The following NAT8L variants were observed in gnomAD, a reference collection of about 807,000 sequenced individuals.
NAT8L encodes the protein aspartate N-acetyltransferase, also known as N-acetylaspartate synthetase.
A neutral mutation model predicts 21.2 loss-of-function variants in NAT8L; 6 were observed. The observed-to-expected ratio is 0.28, with a 90% CI of 0.16 to 0.56. The LOEUF is 0.56. Among genes scored for constraint, NAT8L ranks in the 20% least tolerant of loss-of-function variants. The probability of loss-of-function intolerance (pLI) is 0.93; values close to 1 mark genes in which losing one functional copy is unlikely to be tolerated. For synonymous variants in NAT8L, 239 were observed against 204.9 expected (o/e 1.17, Z -1.42); for missense variants, 331 against 433.3 (o/e 0.76, Z 2.10).
In NAT8L at chr4:2,064,656, C is replaced by G. The variant is rs1052930169; in HGVS notation, c.*529C>G. ...GCCCTGCCCAGACTGGACCCGGAGA[C>G]CCGGGCTGGTGAGCGCCCCTGTCCC... On this transcript the variant is annotated 3_prime_UTR_variant, in exon 3 of 3. Transcript: ENST00000423729. 1 of 153,390 alleles carries G rather than the reference C, an allele frequency of 6.5e-6. No homozygotes were observed. Among genetic ancestry groups the G allele is most frequent in the Non-Finnish European group, 1.5e-5 (1 of 68,890 alleles). The allele number at this position is 153,390 out of a possible 1,614,324, so 9.5% of individuals were successfully genotyped here.
At chr4:2,061,279 G>C in intron 2 of NAT8L, 117 bp downstream of exon 2, 2 of 1,516,112 alleles carry the variant, frequency 1.3e-6, no homozygotes, top group Non-Finnish European at 1.8e-6. Context: ...CCTGAGCCGG[G>C]GCCCCTGTGA....
At chr4:2,061,665 C>T (rs964397056) in intron 2 of NAT8L, among the ~76,000 whole-genome samples, 4 of 151,962 alleles carry the variant, frequency 2.6e-5, no homozygotes, top group Non-Finnish European at 5.9e-5. Flanking sequence ...TTGTCCCAGC[C>T]TCTGTGGCCT....
rs1192064416 is a variant in NAT8L, at chr4:2,065,435, C to CGGG, written c.*1314_*1316dup. Reference sequence around the variant, plus strand: ...GGCAGGGGCTGCCCTGGACGGGGGGCGGGGGGGGTGGCCTGGAAGGGGAGA... The same window carrying CGGG: ...GGCAGGGGCTGCCCTGGACGGGGGGCGGGGGGGGGGGTGGCCTGGAAGGGGAGA... On this transcript the variant is annotated 3_prime_UTR_variant, in exon 3 of 3. Coordinates refer to ENST00000423729, the MANE Select transcript of NAT8L (RefSeq NM_178557.4). 6.5e-5 allele frequency: 3 copies of CGGG among 46,124 alleles called. No homozygotes were observed. The highest frequency in any genetic ancestry group is 1.3e-4 in the African/African-American group (2 of 14,940). The allele number at this position is 46,124 out of a possible 1,614,324, so 2.9% of individuals were successfully genotyped here. A position where few individuals can be genotyped will look rare whatever the true frequency, so the allele number is the denominator to read the frequency against.
rs116398330 is a variant in NAT8L, at chr4:2,063,209, C to T, written c.542-551C>T. On this transcript the variant is annotated intron_variant, in intron 2 of 2. Coordinates refer to ENST00000423729, the MANE Select transcript of NAT8L (RefSeq NM_178557.4). ...GAGCCTTCTGGACGCACTTTGCTGA[C>T]CCCTGCCCTTTGCGGCCCTCTGCTG... Among the ~76,000 whole-genome samples, 683 of 152,404 alleles carry T rather than the reference C, an allele frequency of 4.5e-3. 11 individuals carry two copies. Among genetic ancestry groups the T allele is most frequent in the African/African-American group, 0.015 (614 of 41,604 alleles).
Position 2,060,636 on chromosome 4 carries a change from C to T in NAT8L, c.377-362C>T, listed in dbSNP as rs1461465550. Among the ~76,000 whole-genome samples, 2 of 151,546 alleles carry T rather than the reference C, an allele frequency of 1.3e-5. No homozygotes were observed. Among genetic ancestry groups the T allele is most frequent in the Admixed American group, 6.6e-5 (1 of 15,260 alleles). On this transcript the variant is annotated intron_variant, in intron 1 of 2. Coordinates refer to ENST00000423729, the MANE Select transcript of NAT8L (RefSeq NM_178557.4). The surrounding 1 kb of genome is among the most constrained non-coding windows in gnomAD (Gnocchi z 4.7). ...GACACCCCCCTTCCTCCTCCCCCCT[C>T]CCCCCTCCCCCGCGCGGGGCCTGGT...
Position 2,065,868 on chromosome 4 carries a change from C to T in NAT8L, c.*1741C>T, listed in dbSNP as rs1481590115. 6.6e-6 allele frequency: 1 copy of T among 152,580 alleles called. No individual in the cohort carries two copies. The highest frequency in any genetic ancestry group is 6.5e-5 in the Admixed American group (1 of 15,274). The allele number at this position is 152,580 out of a possible 1,614,324, so 9.5% of individuals were successfully genotyped here. Reference sequence around the variant, plus strand: ...TTCTTGCAGCTCAGATTTTGTTAATCTGGAATATACAGACAGACGTAAAGT... The same window carrying T: ...TTCTTGCAGCTCAGATTTTGTTAATTTGGAATATACAGACAGACGTAAAGT... On this transcript the variant is annotated 3_prime_UTR_variant, in exon 3 of 3. Transcript: ENST00000423729.
In NAT8L at chr4:2,064,469, C is replaced by G; in HGVS notation, c.*342C>G. On this transcript the variant is annotated 3_prime_UTR_variant, in exon 3 of 3. Coordinates refer to ENST00000423729, the MANE Select transcript of NAT8L (RefSeq NM_178557.4). ...AAGGCCCAGCCTTGCTCACCAAGCA[C>G]AGAACCTCTGCAGCAGATCCCGGGG... The G allele has an allele frequency of 6.2e-6, 1 of 160,680 alleles. No homozygotes were observed. Among genetic ancestry groups the G allele is most frequent in the Non-Finnish European group, 1.4e-5 (1 of 73,934 alleles). 10.0% of individuals were successfully genotyped at this position (160,680 alleles called of 1,614,324 possible).
In NAT8L at chr4:2,059,853, C is replaced by T. The variant is rs898099229; in HGVS notation, c.342C>T (p.His114=). 1.1e-5 allele frequency: 15 copies of T among 1,379,626 alleles called. No homozygotes were observed. Among genetic ancestry groups the T allele is most frequent in the Non-Finnish European group, 1.2e-5 (13 of 1,055,904 alleles). 85.5% of individuals were successfully genotyped at this position (1,379,626 alleles called of 1,614,324 possible). Residue 114 remains histidine (H), a synonymous_variant, in exon 1 of 3, where the codon CAC becomes CAT. Coordinates refer to ENST00000423729, the MANE Select transcript of NAT8L (RefSeq NM_178557.4). The surrounding 1 kb of genome is among the most constrained non-coding windows in gnomAD (Gnocchi z 4.8). ...PNTAFRGLRQ[H]PRAQLLYALL... ...CGGCCTTCCGCGGCCTGCGGCAGCA[C>T]CCGCGCGCGCAGCTGCTCTACGCCC...
intron 2 of NAT8L, among the ~76,000 whole-genome samples, chr4:2,062,752 T>C (rs1334783686): frequency 1.4e-5 from 2 of 141,910 alleles, no homozygotes; most frequent in Non-Finnish European, 3.1e-5. Flanking sequence ...AGAGGGGCAA[T>C]GGGGAGGGAT....
Position 2,067,445 on chromosome 4 carries a change from G to A in NAT8L, c.*3318G>A, listed in dbSNP as rs949939848. 6.6e-5 allele frequency: 10 copies of A among 152,548 alleles called. No individual in the cohort carries two copies. The highest frequency in any genetic ancestry group is 3.4e-3 in the Middle Eastern group (1 of 294). 9.4% of individuals were successfully genotyped at this position (152,548 alleles called of 1,614,324 possible). ...TGCTCTGGGTGTCCTTCTCAGAGAA[G>A]ATGGCAGAAGGCTGCAGGCCCTAGA... On this transcript the variant is annotated 3_prime_UTR_variant, in exon 3 of 3. Transcript: ENST00000423729.
Position 2,064,974 on chromosome 4 carries a change from C to G in NAT8L, c.*847C>G, listed in dbSNP as rs775694561. ...CCGGGGACCTCCTGCCTCTGGCTGA[C>G]GGTCCACCCTGTGAATCTTATCAGC... On this transcript the variant is annotated 3_prime_UTR_variant, in exon 3 of 3. Transcript: ENST00000423729. The G allele has an allele frequency of 2.0e-5, 3 of 152,488 alleles. No homozygotes were observed. Among genetic ancestry groups the G allele is most frequent in the African/African-American group, 7.2e-5 (3 of 41,460 alleles). 9.4% of individuals were successfully genotyped at this position (152,488 alleles called of 1,614,324 possible). A position where few individuals can be genotyped will look rare whatever the true frequency, so the allele number is the denominator to read the frequency against.
intron 2 of NAT8L, among the ~76,000 whole-genome samples, chr4:2,062,068 C>T (rs954567733): frequency 1.3e-5 from 2 of 152,280 alleles, no homozygotes; most frequent in South Asian, 2.1e-4. Context: ...GGAGGGGAAA[C>T]GGGCCATGAG....
In NAT8L at chr4:2,060,196, C is replaced by T. The variant is rs1198939540; in HGVS notation, c.376+309C>T. On this transcript the variant is annotated intron_variant, in intron 1 of 2. Transcript: ENST00000423729. The surrounding 1 kb of genome is among the most constrained non-coding windows in gnomAD (Gnocchi z 4.7). ...TGGGGGCGGGTGCCAGGGCAGGTAG[C>T]GCCCGCCGCGGCTGGGCCCCGGCGA... Among the ~76,000 whole-genome samples the T allele has an allele frequency of 6.6e-6, 1 of 151,968 alleles. No homozygotes were observed. The highest frequency in any genetic ancestry group is 1.5e-5 in the Non-Finnish European group (1 of 67,946).
Position 2,063,783 on chromosome 4 carries a change from C to A in NAT8L, c.565C>A (p.Leu189Met). 1 of 1,611,996 alleles carries A rather than the reference C, an allele frequency of 6.2e-7. No individual in the cohort carries two copies. Among genetic ancestry groups the A allele is most frequent in the Non-Finnish European group, 8.5e-7 (1 of 1,179,930 alleles). ...AGGCTCCTGCTTCTGGGTGGCCGTG[C>A]TGGATGGCAACGTGGTGGGCATTGT... ...PPGSCFWVAV[L>M]DGNVVGIVAA... The change falls in exon 3 of 3, where the codon CTG (leucine) becomes ATG (methionine). Residue 189 changes from leucine (L) to methionine (M), a missense_variant. Transcript: ENST00000423729.
rs1258632808 is a variant in NAT8L, at chr4:2,063,915, C to T, written c.697C>T (p.Leu233=). ...CGCCAAGGCGCTGGGCCGGAAGGTGCTGGAGTTCGCCGTGGTGCACAACTA... is the reference window on the plus strand; with the variant it reads ...CGCCAAGGCGCTGGGCCGGAAGGTGTTGGAGTTCGCCGTGGTGCACAACTA... ...GIAKALGRKV[L]EFAVVHNYSA... is the part of the protein sequence containing the mutation. Residue 233 remains leucine, a synonymous_variant, in exon 3 of 3, where the codon CTG becomes TTG. Transcript: ENST00000423729. 3.1e-6 allele frequency: 5 copies of T among 1,612,138 alleles called. No individual in the cohort carries two copies. The Admixed American group carries it at 8.3e-5, about 27-fold the overall frequency.
rs768305009 is a variant in NAT8L at position 2,068,416 on chromosome 4, A to G, written c.*4289A>G. 1.3e-5 allele frequency: 2 copies of G among 152,222 alleles called. No individual in the cohort carries two copies. Among genetic ancestry groups the G allele is most frequent in the Non-Finnish European group, 2.9e-5 (2 of 68,052 alleles). The allele number at this position is 152,222 out of a possible 1,614,324, so 9.4% of individuals were successfully genotyped here. On this transcript the variant is annotated 3_prime_UTR_variant, in exon 3 of 3. Coordinates refer to ENST00000423729, the MANE Select transcript of NAT8L (RefSeq NM_178557.4). ...CGTGTGTATGCATGAGCACGTATGC[A>G]TGTGTGATGCGCATGTTCTTGTGTA...
intron 2 of NAT8L, among the ~76,000 whole-genome samples, chr4:2,062,421 A>T (rs1402796356): frequency 6.6e-6 from 1 of 151,666 alleles, no homozygotes; most frequent in Non-Finnish European, 1.5e-5. Context: ...GGTGGGAGGG[A>T]TACTGGTCCA....
rs1314815727 is a variant in NAT8L at position 2,060,452 on chromosome 4, C to G, written c.377-546C>G. The stretch of plus-strand genomic sequence containing the variant: ...GGCGCTTGAGGCCGCGTAGGGAGGA[C>G]GCGACTCCCCCAAGGTCACGGCAGC... On this transcript the variant is annotated intron_variant, in intron 1 of 2. Coordinates refer to ENST00000423729, the MANE Select transcript of NAT8L (RefSeq NM_178557.4). This position sits in a 1 kb window ranked among gnomAD's most constrained non-coding sequence, Gnocchi z 4.7. Among the ~76,000 whole-genome samples the G allele has an allele frequency of 6.6e-6, 1 of 152,156 alleles. No individual in the cohort carries two copies. Among genetic ancestry groups the G allele is most frequent in the Non-Finnish European group, 1.5e-5 (1 of 68,016 alleles).
intron 2 of NAT8L, among the ~76,000 whole-genome samples, chr4:2,062,536 C>T (rs1729913535): frequency 1.3e-5 from 2 of 152,008 alleles, no homozygotes; most frequent in African/African-American, 4.8e-5. Flanking sequence ...AGGGGCAGCC[C>T]TCCTGGGAAC....
Sources: allele counts gnomAD v4.1 joint callset (sites outside exome capture counted in the v4.1 genomes callset), GRCh38; gene constraint gnomAD v4.1.1; non-coding constraint Gnocchi (gnomAD v3.1); transcripts MANE v1.5; gene names NCBI Gene and HGNC (gene_info 2026-07-23, HGNC 2026-07-21).